AP2A1: variants seen among roughly 807,000 people sequenced by gnomAD.
The protein encoded by AP2A1 is adaptor related protein complex 2 subunit alpha 1.
Under a neutral mutation model 107.3 loss-of-function variants are expected in AP2A1, and 21 were observed. The ratio of observed to expected loss-of-function variants is 0.20; its 90% confidence interval spans 0.14 to 0.28. The LOEUF (loss-of-function observed/expected upper bound fraction) is 0.28, where lower values mean the gene tolerates loss of function less well. AP2A1 is among the 10% of genes least tolerant of loss of function. The pLI, the probability that AP2A1 is intolerant of heterozygous loss-of-function variation, is 1.00. For missense variants in AP2A1, 873 were observed against 1,307.7 expected, an observed-to-expected ratio of 0.67 and a Z score of 5.13; for synonymous variants, 602 against 564.8, an observed-to-expected ratio of 1.07 and a Z score of -0.93.
intron 3 of AP2A1, 106 bp from the exon 4 acceptor site, chr19:49,782,425 C>A (rs1338225036): frequency 2.3e-6 from 3 of 1,290,234 alleles, no homozygotes; most frequent in Non-Finnish European, 3.2e-6. Flanking sequence ...GCCTGGACTC[C>A]TGGGTCTGAG....
intron 1 of AP2A1, among the ~76,000 whole-genome samples, chr19:49,771,096 C>T (rs2084551548): frequency 6.6e-6 from 1 of 151,838 alleles, no homozygotes; most frequent in Admixed American, 6.6e-5. Flanking sequence ...AGGTGATCCA[C>T]TACCCCAGCC....
Position 49,789,121 on chromosome 19 carries a change from C to T in AP2A1, c.474-2814C>T, listed in dbSNP as rs1028079930. ...GCACATCCAGTGAGACATGCTGCCA[C>T]AGGCCTTTGACTCGTGCAGGTCTCC... On this transcript the variant is annotated intron_variant, in intron 4 of 22. Transcript: ENST00000354293. Among the ~76,000 whole-genome samples, 5 of 152,208 alleles carry T rather than the reference C, an allele frequency of 3.3e-5. No individual in the cohort carries two copies. In the East Asian group the frequency reaches 9.6e-4, roughly 29 times the overall value.
At position 49,785,420 on chromosome 19, in the gene AP2A1, G is replaced by T. The variant is rs1365147393; in HGVS notation, c.473+2696G>T. On this transcript the variant is annotated intron_variant, in intron 4 of 22. Transcript: ENST00000354293. This position sits in a 1 kb window ranked among gnomAD's most constrained non-coding sequence, Gnocchi z 4.1. ...GGGGACATTGAACAGGTGAGTGAAT[G>T]ATGGCAGACCTTTCAGCAATGTGAC... 6.6e-6 allele frequency among the ~76,000 whole-genome samples: 1 copy of T among 152,100 alleles called. No individual in the cohort carries two copies. Among genetic ancestry groups the T allele is most frequent in the Admixed American group, 6.6e-5 (1 of 15,262 alleles).
At chr19:49,806,478 C>T (rs1210605674) in intron 22 of AP2A1, 5 of 1,443,040 alleles carry the variant, frequency 3.5e-6, no homozygotes. Flanking sequence ...TCTACCTTTC[C>T]ATATCCTTTC....
In AP2A1 at chr19:49,799,960, G is replaced by T. The variant is rs778636010; in HGVS notation, c.1273-8G>T. Reference sequence around the variant, plus strand: ...CGGCACACTCTCTCTCACACGCCCCGGCGGCAGGTCCTGAAGGTGGCCATC... The same window carrying T: ...CGGCACACTCTCTCTCACACGCCCCTGCGGCAGGTCCTGAAGGTGGCCATC... On this transcript the variant is annotated splice_polypyrimidine_tract_variant and splice_region_variant and intron_variant, in intron 10 of 22. Transcript: ENST00000354293. 2 of 1,612,010 alleles carry T rather than the reference G, an allele frequency of 1.2e-6. No individual in the cohort carries two copies. The highest frequency in any genetic ancestry group is 1.7e-6 in the Non-Finnish European group (2 of 1,178,390).
At position 49,771,471 on chromosome 19, in the gene AP2A1, C is replaced by T. The variant is rs145355210; in HGVS notation, c.67+4271C>T. Among the ~76,000 whole-genome samples the T allele has an allele frequency of 7.3e-5, 11 of 151,280 alleles. No individual in the cohort carries two copies. In the East Asian group the frequency reaches 1.2e-3, roughly 16 times the overall value. On this transcript the variant is annotated intron_variant, in intron 1 of 22. Coordinates refer to ENST00000354293, the MANE Select transcript of AP2A1 (RefSeq NM_130787.3). ...TTTTGTGACAGTCACAAAAATGGCG[C>T]GATCTTGGCTCACTGCACCCTCCAT...
intron 3 of AP2A1, 27 bp downstream of exon 3, chr19:49,782,116 G>T: frequency 6.7e-7 from 1 of 1,500,988 alleles, no homozygotes; most frequent in East Asian, 2.7e-5. Flanking sequence ...GGGTGCCAGG[G>T]CCTGGACTCC....
At chr19:49,773,293 G>A (rs1439459080) in intron 1 of AP2A1, among the ~76,000 whole-genome samples, 1 of 152,214 alleles carries the variant, frequency 6.6e-6, no homozygotes, top group Non-Finnish European at 1.5e-5. Context: ...GCTGGAGTGG[G>A]CCTTAGGAGA....
At chr19:49,797,911 T>C (rs940034381) in intron 7 of AP2A1, among the ~76,000 whole-genome samples, 1 of 122,412 alleles carries the variant, frequency 8.2e-6, no homozygotes, top group Admixed American at 7.8e-5. Flanking sequence ...TTGCCCTGTT[T>C]CCAAAAAATA....
At position 49,791,950 on chromosome 19, in the gene AP2A1, T is replaced by A; in HGVS notation, c.489T>A (p.Ser163Arg). The change falls in exon 5 of 23, where the codon AGT becomes AGA. Residue 163 changes from serine (S) to arginine (R), a missense_variant. By Grantham distance (110) the Ser-to-Arg change is moderately radical. This residue lies in a region of AP2A1 where 157 missense variants were observed against 212.6 expected (regional missense o/e 0.74). Coordinates refer to ENST00000354293, the MANE Select transcript of AP2A1 (RefSeq NM_130787.3). ...RILVAGDSMD[S>R]VKQSAALCLL... ...GTCCCCACAGGGACAGCATGGACAG[T>A]GTCAAGCAGAGTGCGGCCCTGTGCC... The A allele has an allele frequency of 6.2e-7, 1 of 1,610,008 alleles. No individual in the cohort carries two copies. The highest frequency in any genetic ancestry group is 8.5e-7 in the Non-Finnish European group (1 of 1,178,768).
In AP2A1 at chr19:49,803,207, G is replaced by A. The variant is rs764299834; in HGVS notation, c.2254+18G>A. 2 of 1,613,920 alleles carry A rather than the reference G, an allele frequency of 1.2e-6. No homozygotes were observed. Among genetic ancestry groups the A allele is most frequent in the East Asian group, 2.2e-5 (1 of 44,888 alleles). On this transcript the variant is annotated intron_variant, in intron 17 of 22. Transcript: ENST00000354293. ...GAACCTGGGTGTGTCCCGGGGGACT[G>A]TGGGAATGGGTCGGAGGGAGACCTT...
rs899662656 is a variant in AP2A1, at chr19:49,788,046, A to G, written c.474-3889A>G. ...ACTGCAGCCCTGACCTCCCAGGCTCAGGTGATCCTCCCACGTCAGCCACTC... is the reference window on the plus strand; with the variant it reads ...ACTGCAGCCCTGACCTCCCAGGCTCGGGTGATCCTCCCACGTCAGCCACTC... On this transcript the variant is annotated intron_variant, in intron 4 of 22. Coordinates refer to ENST00000354293, the MANE Select transcript of AP2A1 (RefSeq NM_130787.3). The surrounding 1 kb of genome is among the most constrained non-coding windows in gnomAD (Gnocchi z 4.5). Among the ~76,000 whole-genome samples the G allele has an allele frequency of 2.6e-5, 4 of 152,206 alleles. No homozygotes were observed. Among genetic ancestry groups the G allele is most frequent in the Non-Finnish European group, 4.4e-5 (3 of 68,032 alleles).
At chr19:49,789,460 T>G (rs1303661146) in intron 4 of AP2A1, among the ~76,000 whole-genome samples, 2 of 151,898 alleles carry the variant, frequency 1.3e-5, no homozygotes, top group African/African-American at 4.8e-5. Context: ...CCAGCTAATT[T>G]TTGTATTTTT....
chr19:49,802,858 T>A lies in AP2A1; in HGVS notation c.2115-91T>A. On this transcript the variant is annotated intron_variant, in intron 15 of 22. Transcript: ENST00000354293. ...CTGGATATGTGGTTCTGGGGTTCTG[T>A]CCTTAGGGCTTGTTCTCGCACTCAA... 2.8e-6 allele frequency: 4 copies of A among 1,432,880 alleles called. 1 individual carries two copies. The South Asian group carries it at 4.9e-5, about 17-fold the overall frequency. The allele number at this position is 1,432,880 out of a possible 1,614,324, so 88.8% of individuals were successfully genotyped here. A position where few individuals can be genotyped will look rare whatever the true frequency, so the allele number is the denominator to read the frequency against.
At chr19:49,789,144 TC>T (rs1430410658) in intron 4 of AP2A1, among the ~76,000 whole-genome samples, 1 of 152,146 alleles carries the variant, frequency 6.6e-6, no homozygotes, top group Non-Finnish European at 1.5e-5. Flanking sequence ...CGTGCAGGTC[TC>T]CCCTCTGAGG....
intron 6 of AP2A1, among the ~76,000 whole-genome samples, chr19:49,793,828 C>T (rs1036546669): frequency 6.6e-6 from 1 of 150,910 alleles, no homozygotes; most frequent in Non-Finnish European, 1.5e-5. Context: ...ATCTCCTGGG[C>T]AGTCAGGAAG....
chr19:49,787,778 C>T (rs1389823495), intron 4 of AP2A1, among the ~76,000 whole-genome samples: 1 of 152,182 alleles, frequency 6.6e-6, no homozygotes, highest in Non-Finnish European at 1.5e-5. Flanking sequence ...TTAGCAGTCC[C>T]TCCCCATTCC....
At position 49,801,630 on chromosome 19, in the gene AP2A1, C is replaced by T. The variant is rs557025367; in HGVS notation, c.1785+9C>T. On this transcript the variant is annotated intron_variant, in intron 13 of 22. Coordinates refer to ENST00000354293, the MANE Select transcript of AP2A1 (RefSeq NM_130787.3). The stretch of plus-strand genomic sequence containing the variant: ...CCAGCACCGACGTCCTGGTCAGAGC[C>T]CTGTCCCCCCACCCCACCCCTCTTG... The T allele has an allele frequency of 1.7e-4, 271 of 1,595,822 alleles. 3 individuals are homozygous for T. In the South Asian group the frequency reaches 3.0e-3, roughly 18 times the overall value.
chr19:49,786,343 A>C (rs1367684126), intron 4 of AP2A1, among the ~76,000 whole-genome samples: 1 of 152,246 alleles, frequency 6.6e-6, no homozygotes, highest in African/African-American at 2.4e-5. Context: ...TCAGCGTAAA[A>C]ATTATTCACG....
Sources: allele counts gnomAD v4.1 joint callset (sites outside exome capture counted in the v4.1 genomes callset), GRCh38; gene constraint gnomAD v4.1.1; regional missense constraint gnomAD v4.1.1; non-coding constraint Gnocchi (gnomAD v3.1); transcripts MANE v1.5; gene names NCBI Gene and HGNC (gene_info 2026-07-23, HGNC 2026-07-21).